The following ZRANB3 variants were observed in gnomAD, a reference collection of about 807,000 sequenced individuals.
The protein encoded by ZRANB3 is zinc finger RANBP2-type containing 3, also known as DNA annealing helicase and endonuclease ZRANB3.
A neutral mutation model predicts 133.8 loss-of-function variants in ZRANB3; 125 were observed. That is an observed-to-expected ratio of 0.93 (90% CI 0.81 to 1.08). The LOEUF (loss-of-function observed/expected upper bound fraction) is 1.08. Ranked by LOEUF, ZRANB3 falls within the 50% of genes least tolerant of loss-of-function variation. The probability of loss-of-function intolerance (pLI) is 0.00; values close to 1 mark genes in which losing one functional copy is unlikely to be tolerated. For synonymous variants in ZRANB3, 387 were observed against 432.7 expected, an observed-to-expected ratio of 0.89 and a Z score of 1.31; for missense variants, 1,229 against 1,275.5, an observed-to-expected ratio of 0.96 and a Z score of 0.56.
rs1373875180 is a variant in ZRANB3 at position 135,198,883 on chromosome 2, C to A, written c.*1459G>T. On this transcript the variant is annotated 3_prime_UTR_variant, in exon 21 of 21. Transcript: ENST00000264159. ...TTGTATAATCTTTCTAAAAACAAGT[C>A]CTTTATGTTGTAAAACACTAGCTAT... 6.6e-6 allele frequency: 1 copy of A among 152,172 alleles called. No homozygotes were observed. The highest frequency in any genetic ancestry group is 1.5e-5 in the Non-Finnish European group (1 of 68,046). 9.4% of individuals were successfully genotyped at this position (152,172 alleles called of 1,614,324 possible).
intron 4 of ZRANB3, among the ~76,000 whole-genome samples, chr2:135,352,298 T>C (rs1573960889): frequency 6.6e-6 from 1 of 151,686 alleles, no homozygotes; most frequent in Admixed American, 6.6e-5. Context: ...TGCCACTGCA[T>C]TCCAGCCTGG....
intron 8 of ZRANB3, among the ~76,000 whole-genome samples, chr2:135,292,981 T>G (rs951988475): frequency 6.6e-6 from 1 of 152,118 alleles, no homozygotes; most frequent in Admixed American, 6.5e-5. Flanking sequence ...AGTACCATGC[T>G]GTTTTGGTTA....
chr2:135,242,055 T>G (rs1172354254), intron 12 of ZRANB3, among the ~76,000 whole-genome samples: 1 of 152,032 alleles, frequency 6.6e-6, no homozygotes, highest in Non-Finnish European at 1.5e-5. Flanking sequence ...TGCGCACGCC[T>G]GTAATTCCAG....
chr2:135,518,862 G>A (rs529409311), intron 1 of ZRANB3, among the ~76,000 whole-genome samples: 2 of 152,260 alleles, frequency 1.3e-5, no homozygotes, highest in South Asian at 4.1e-4. Context: ...ACTGCAGCAT[G>A]TTATTTCCTT....
At chr2:135,255,505 A>G (rs913756684) in intron 12 of ZRANB3, among the ~76,000 whole-genome samples, 4 of 152,180 alleles carry the variant, frequency 2.6e-5, no homozygotes, top group Admixed American at 2.6e-4. Flanking sequence ...TTAGTGAAGC[A>G]TCATTCTAGT....
At chr2:135,506,369 A>T (rs914748057) in intron 1 of ZRANB3, among the ~76,000 whole-genome samples, 1 of 152,128 alleles carries the variant, frequency 6.6e-6, no homozygotes, top group Non-Finnish European at 1.5e-5. Flanking sequence ...CAGCTTGGGT[A>T]ACAGAGCAAA....
intron 2 of ZRANB3, among the ~76,000 whole-genome samples, chr2:135,413,300 G>A (rs1173959640): frequency 2.6e-5 from 4 of 152,042 alleles, no homozygotes; most frequent in African/African-American, 7.2e-5. Context: ...CCTCTCTTAC[G>A]TGTTATGTGG....
At chr2:135,204,536 T>C (rs7566572) in intron 19 of ZRANB3, among the ~76,000 whole-genome samples, 1,612 of 151,244 alleles carry the variant, frequency 0.011, 27 homozygotes, top group African/African-American at 0.037. Flanking sequence ...TGCATGCCTG[T>C]AATCCCAGAT....
intron 12 of ZRANB3, among the ~76,000 whole-genome samples, chr2:135,234,067 C>T (rs183421786): frequency 8.5e-4 from 130 of 152,164 alleles, no homozygotes; most frequent in Admixed American, 1.4e-3. Context: ...TGCAGAGACA[C>T]GCATAGGCTC....
chr2:135,257,867 G>A lies in ZRANB3; in HGVS notation c.1539+7667C>T, dbSNP rs113542546. Among the ~76,000 whole-genome samples the A allele has an allele frequency of 3.0e-3, 452 of 152,280 alleles. 3 individuals are homozygous for A. Among genetic ancestry groups the A allele is most frequent in the African/African-American group, 0.01 (420 of 41,558 alleles). ...ATGAGAACAGACCTTGAAGCAGAAA[G>A]GCCTGGCACTTTCTGCCCCAGCTGT... is the stretch of plus-strand genomic sequence containing the variant. On this transcript the variant is annotated intron_variant, in intron 12 of 20. Transcript: ENST00000264159.
At chr2:135,291,136 A>G (rs1681693612) in intron 8 of ZRANB3, among the ~76,000 whole-genome samples, 1 of 151,652 alleles carries the variant, frequency 6.6e-6, no homozygotes, top group Middle Eastern at 3.4e-3. Context: ...TGCTGGGAAT[A>G]CAGGCGTGAG....
At chr2:135,247,453 G>A (rs1695847481) in intron 12 of ZRANB3, among the ~76,000 whole-genome samples, 2 of 151,794 alleles carry the variant, frequency 1.3e-5, no homozygotes, top group Non-Finnish European at 2.9e-5. Context: ...GTGTTTCTCT[G>A]CAGATAGAGA....
intron 1 of ZRANB3, among the ~76,000 whole-genome samples, chr2:135,521,472 C>T (rs978966347): frequency 3.3e-5 from 5 of 151,916 alleles, no homozygotes; most frequent in Admixed American, 6.5e-5. Flanking sequence ...GCAGACATTA[C>T]GGTGAGCCAA....
intron 1 of ZRANB3, among the ~76,000 whole-genome samples, chr2:135,526,813 C>G (rs914491056): frequency 2.0e-5 from 3 of 152,330 alleles, no homozygotes; most frequent in Middle Eastern, 6.8e-3. Context: ...ACAACCTGCT[C>G]TCTCTGAAGT....
rs1208048262 is a variant in ZRANB3, at chr2:135,198,313, AC to A, written c.*2028del. 1 of 151,974 alleles carries A rather than the reference AC, an allele frequency of 6.6e-6. No individual in the cohort carries two copies. The highest frequency in any genetic ancestry group is 2.4e-5 in the African/African-American group (1 of 41,438). 9.4% of individuals were successfully genotyped at this position (151,974 alleles called of 1,614,324 possible). A position where few individuals can be genotyped will look rare whatever the true frequency, so the allele number is the denominator to read the frequency against. On this transcript the variant is annotated 3_prime_UTR_variant, in exon 21 of 21. Coordinates refer to ENST00000264159, the MANE Select transcript of ZRANB3 (RefSeq NM_032143.4). The stretch of plus-strand genomic sequence containing the variant: ...CTCTATCTTTATTTTCTGTCTCAGA[AC>A]CCTTCATCTCAATGTGCCCCACAAG...
At chr2:135,353,051 T>C (rs1169938648) in intron 4 of ZRANB3, among the ~76,000 whole-genome samples, 2 of 152,136 alleles carry the variant, frequency 1.3e-5, no homozygotes, top group African/African-American at 4.8e-5. Context: ...GCATATTAAT[T>C]AACAAATTGG....
At position 135,350,346 on chromosome 2, in the gene ZRANB3, A is replaced by G. The variant is rs1380675197; in HGVS notation, c.360-131T>C. The G allele has an allele frequency of 1.0e-5, 6 of 580,428 alleles. No individual in the cohort carries two copies. The Admixed American group carries it at 2.0e-4, about 19-fold the overall frequency. The allele number at this position is 580,428 out of a possible 1,614,324, so 36.0% of individuals were successfully genotyped here. On this transcript the variant is annotated intron_variant, in intron 4 of 20. Transcript: ENST00000264159. ...AGGAAAAATAAAAGGAGATGGTACTACTACTGAAACTCTGAAGATTTCACA... is the reference window on the plus strand; with the variant it reads ...AGGAAAAATAAAAGGAGATGGTACTGCTACTGAAACTCTGAAGATTTCACA...
chr2:135,212,278 C>T (rs1694124268), intron 17 of ZRANB3, among the ~76,000 whole-genome samples: 1 of 152,080 alleles, frequency 6.6e-6, no homozygotes, highest in Non-Finnish European at 1.5e-5. Context: ...CTTCTCTGGC[C>T]CCACCTCCAA....
intron 2 of ZRANB3, among the ~76,000 whole-genome samples, chr2:135,474,552 C>CT (rs1691420488): frequency 6.6e-6 from 1 of 152,110 alleles, no homozygotes; most frequent in African/African-American, 2.4e-5. Context: ...CTCTTGCTCC[C>CT]TCTCTCACCA....
Sources: allele counts gnomAD v4.1 joint callset (sites outside exome capture counted in the v4.1 genomes callset), GRCh38; gene constraint gnomAD v4.1.1; transcripts MANE v1.5; gene names NCBI Gene and HGNC (gene_info 2026-07-23, HGNC 2026-07-21).